Variants in TFB1M observed in about 807,000 individuals in gnomAD.
TFB1M encodes dimethyladenosine transferase 1, mitochondrial.
Under a neutral mutation model 31.1 loss-of-function variants are expected in TFB1M, and 27 were observed. The observed-to-expected ratio is 0.87, with a 90% confidence interval of 0.64 to 1.20. The LOEUF (loss-of-function observed/expected upper bound fraction) is 1.20. Ranked by LOEUF, TFB1M falls within the 50% of genes most tolerant of loss-of-function variation. TFB1M has a pLI of 0.00. For missense variants in TFB1M, 394 were observed against 418.7 expected (o/e 0.94, Z 0.51); for synonymous variants, 166 against 151.8 (o/e 1.09, Z -0.69).
In TFB1M at chr6:155,302,235, T is replaced by C. The variant is rs182368614; in HGVS notation, c.286-3650A>G. Reference sequence around the variant, plus strand: ...GTAAGGGGTTCATGGCAGCCAACACTGTAGTTACGTTAATTATCTTCTTCC... The same window carrying C: ...GTAAGGGGTTCATGGCAGCCAACACCGTAGTTACGTTAATTATCTTCTTCC... On this transcript the variant is annotated intron_variant, in intron 2 of 6. Transcript: ENST00000367166. 5.3e-5 allele frequency among the ~76,000 whole-genome samples: 8 copies of C among 152,336 alleles called. No homozygotes were observed. In the East Asian group the frequency reaches 9.6e-4, roughly 18 times the overall value.
chr6:155,247,237 G>A, the TFB1M span, among the ~76,000 whole-genome samples: 30 of 152,376 alleles, frequency 2.0e-4, no homozygotes, highest in African/African-American at 6.7e-4. Flanking sequence ...AACAACTAGA[G>A]TGAGGCCAGT....
chr6:155,230,288 C>T, the TFB1M span, among the ~76,000 whole-genome samples: 1 of 152,234 alleles, frequency 6.6e-6, no homozygotes, highest in African/African-American at 2.4e-5. Flanking sequence ...ACCTGCCAGA[C>T]CCTGCCTCTC....
At chr6:155,296,059 G>C (rs162967) in intron 4 of TFB1M, among the ~76,000 whole-genome samples, 107,951 of 151,880 alleles carry the variant, frequency 0.71, 38,749 homozygotes, top group East Asian at 0.98. Flanking sequence ...CTGCACATCC[G>C]TCCTTATACC....
intron 5 of TFB1M, chr6:155,276,582 ATT>A: frequency 2.0e-6 from 1 of 490,102 alleles, no homozygotes; most frequent in Non-Finnish European, 3.5e-6. Flanking sequence ...TTTTTCCATT[ATT>A]GTTTCCATGT....
the TFB1M span, chr6:155,232,792 T>C: frequency 6.6e-6 from 1 of 152,204 alleles, no homozygotes; most frequent in Non-Finnish European, 1.5e-5. Context: ...CGTGGCAGTC[T>C]CTTTCCTAGT....
chr6:155,299,188 A>G (rs1272594838), intron 2 of TFB1M, among the ~76,000 whole-genome samples: 1 of 152,032 alleles, frequency 6.6e-6, no homozygotes, highest in African/African-American at 2.4e-5. Flanking sequence ...GACCTAATGA[A>G]TTACCCTGGA....
chr6:155,286,183 G>T (rs1776618142), intron 4 of TFB1M, among the ~76,000 whole-genome samples: 2 of 152,188 alleles, frequency 1.3e-5, no homozygotes, highest in South Asian at 4.1e-4. Context: ...GGTGTAATTA[G>T]ATATCCATAG....
the TFB1M span, among the ~76,000 whole-genome samples, chr6:155,237,112 C>A: frequency 6.6e-6 from 1 of 152,228 alleles, no homozygotes; most frequent in Non-Finnish European, 1.5e-5. Flanking sequence ...TTTCTAGATA[C>A]AATGGGGGTA....
At position 155,292,013 on chromosome 6, in the gene TFB1M, A is replaced by G. The variant is rs111265450; in HGVS notation, c.546+4940T>C. 6.5e-3 allele frequency among the ~76,000 whole-genome samples: 995 copies of G among 152,346 alleles called. 14 individuals are homozygous for G. Among genetic ancestry groups the G allele is most frequent in the African/African-American group, 0.022 (929 of 41,580 alleles). ...TAAAGCTGAATAAGTCATAGGAAACAAGAGTTTGCATAAACAGGACAACAG... is the reference window on the plus strand; with the variant it reads ...TAAAGCTGAATAAGTCATAGGAAACGAGAGTTTGCATAAACAGGACAACAG... On this transcript the variant is annotated intron_variant, in intron 4 of 6. Coordinates refer to ENST00000367166, the MANE Select transcript of TFB1M (RefSeq NM_016020.4).
chr6:155,250,298 T>C, the TFB1M span, among the ~76,000 whole-genome samples: 3 of 151,220 alleles, frequency 2.0e-5, no homozygotes, highest in African/African-American at 7.3e-5. Flanking sequence ...TGCCTTTTTT[T>C]TTTTTTTTTT....
chr6:155,267,888 C>T (rs577334488), intron 5 of TFB1M, among the ~76,000 whole-genome samples: 1 of 152,192 alleles, frequency 6.6e-6, no homozygotes, highest in Admixed American at 6.5e-5. Flanking sequence ...TTGAACAGTA[C>T]TGACTTTCAA....
intron 2 of TFB1M, among the ~76,000 whole-genome samples, chr6:155,301,402 G>A (rs1445604113): frequency 6.6e-6 from 1 of 152,170 alleles, no homozygotes; most frequent in Non-Finnish European, 1.5e-5. Context: ...AACACATGAA[G>A]ACCTTCTAGC....
intron 5 of TFB1M, chr6:155,275,550 C>T: frequency 1.5e-6 from 1 of 670,262 alleles, no homozygotes; most frequent in Admixed American, 2.5e-5. Context: ...GGCTCCTACT[C>T]TAAAGGGAAG....
At chr6:155,255,357 T>C (rs1783933056), downstream of TFB1M, 1 of 152,194 alleles carries the variant, frequency 6.6e-6, no homozygotes, top group African/African-American at 2.4e-5. Flanking sequence ...TCTGCTTGTT[T>C]CTAAAATTTC....
chr6:155,243,582 C>T, the TFB1M span, among the ~76,000 whole-genome samples: 2 of 152,120 alleles, frequency 1.3e-5, no homozygotes, highest in Non-Finnish European at 2.9e-5. Flanking sequence ...TGTGGTGGCT[C>T]ACGCCTGTAA....
chr6:155,231,754 A>C, the TFB1M span, among the ~76,000 whole-genome samples: 1 of 152,242 alleles, frequency 6.6e-6, no homozygotes, highest in Non-Finnish European at 1.5e-5. Context: ...TGTGCAGTCC[A>C]GATGTGCAGG....
chr6:155,301,476 A>C (rs2114789638), intron 2 of TFB1M, among the ~76,000 whole-genome samples: 1 of 152,320 alleles, frequency 6.6e-6, no homozygotes, highest in African/African-American at 2.4e-5. Flanking sequence ...AGGGGGTGGG[A>C]AAATCACTAT....
Position 155,260,353 on chromosome 6 carries a change from T to G in TFB1M, c.714A>C (p.Ile238=), listed in dbSNP as rs1167033606. 5 of 1,614,250 alleles carry G rather than the reference T, an allele frequency of 3.1e-6. No homozygotes were observed. In the South Asian group the frequency reaches 4.4e-5, roughly 14 times the overall value. Residue 238 remains isoleucine (I), a synonymous_variant, in exon 6 of 7, where the codon ATA becomes ATC. Coordinates refer to ENST00000367166, the MANE Select transcript of TFB1M (RefSeq NM_016020.4). The part of the protein sequence containing the change: ...VHFTPLIQPK[I]EQPFKLVEKV... ...TTTCCACCAGCTTGAATGGCTGCTCTATCTTGGGCTGTATCAAGGGAGTGA... is the reference window on the plus strand; with the variant it reads ...TTTCCACCAGCTTGAATGGCTGCTCGATCTTGGGCTGTATCAAGGGAGTGA...
At chr6:155,281,851 G>C (rs959648559) in intron 5 of TFB1M, among the ~76,000 whole-genome samples, 1 of 149,592 alleles carries the variant, frequency 6.7e-6, no homozygotes, top group African/African-American at 2.5e-5. Flanking sequence ...TGAGGATCTA[G>C]CTAATAGCTC....
Sources: gnomAD v4.1 joint callset for allele counts (sites outside exome capture counted in the v4.1 genomes callset) on GRCh38, gnomAD v4.1.1 for gene constraint, MANE v1.5 for transcripts, NCBI Gene and HGNC (gene_info 2026-07-23, HGNC 2026-07-21) for gene names.